The following NEDD9 variants were observed in gnomAD, a reference collection of about 807,000 sequenced individuals.
The protein encoded by NEDD9 is neural precursor cell expressed, developmentally down-regulated 9.
A neutral mutation model predicts 76.6 loss-of-function variants in NEDD9; 26 were observed. That is an observed-to-expected ratio of 0.34 (90% CI 0.25 to 0.47). NEDD9 has a LOEUF of 0.47. Among genes scored for constraint, NEDD9 ranks in the 20% least tolerant of loss-of-function variants. The pLI is 1.00. For synonymous variants in NEDD9, 392 were observed against 414.2 expected (o/e 0.95, Z 0.65); for missense variants, 937 against 1,058.5 (o/e 0.89, Z 1.59).
At chr6:11,347,485 C>CA (rs1401999239) in intron 1 of NEDD9, among the ~76,000 whole-genome samples, 2 of 152,052 alleles carry the variant, frequency 1.3e-5, no homozygotes, top group Admixed American at 1.3e-4. Context: ...CAAAACAAAA[C>CA]AAACAAACAA....
chr6:11,331,942 G>C (rs576330047), intron 2 of NEDD9, among the ~76,000 whole-genome samples: 2 of 152,316 alleles, frequency 1.3e-5, no homozygotes, highest in South Asian at 4.1e-4. Context: ...TGCAGTAATA[G>C]CTGTTTTTAA....
intron 2 of NEDD9, among the ~76,000 whole-genome samples, chr6:11,327,113 G>C (rs974863707): frequency 6.6e-6 from 1 of 152,162 alleles, no homozygotes; most frequent in Non-Finnish European, 1.5e-5. Context: ...GACTGTACTG[G>C]TGTGGCATGG....
chr6:11,336,486 T>C (rs1422533317), intron 1 of NEDD9, among the ~76,000 whole-genome samples: 5 of 152,098 alleles, frequency 3.3e-5, no homozygotes. Context: ...TACCTAAACA[T>C]AGAAAATGTT....
chr6:11,266,969 A>C (rs528891816), intron 3 of NEDD9, among the ~76,000 whole-genome samples: 1 of 152,338 alleles, frequency 6.6e-6, no homozygotes, highest in Admixed American at 6.5e-5. Flanking sequence ...AATCAGGAGC[A>C]AAGTATCAAT....
chr6:11,356,481 C>T (rs1762577473), intron 1 of NEDD9, among the ~76,000 whole-genome samples: 1 of 152,192 alleles, frequency 6.6e-6, no homozygotes, highest in Admixed American at 6.5e-5. Context: ...CAGGACACAT[C>T]ATTGTTTGAG....
At chr6:11,305,860 T>A in intron 3 of NEDD9, 1 of 1,125,828 alleles carries the variant, frequency 8.9e-7, no homozygotes, top group South Asian at 1.3e-5. Context: ...TTAACAGTAT[T>A]TTCCCCAAAT....
chr6:11,352,615 G>C (rs1202014025), intron 1 of NEDD9: 1 of 152,116 alleles, frequency 6.6e-6, no homozygotes, highest in Non-Finnish European at 1.5e-5. Flanking sequence ...TTAAATTTTG[G>C]CTGAATTATG....
chr6:11,331,461 C>T (rs181947322), intron 2 of NEDD9, among the ~76,000 whole-genome samples: 70 of 151,866 alleles, frequency 4.6e-4, no homozygotes, highest in African/African-American at 1.4e-3. Flanking sequence ...AACAGTGTGG[C>T]GGTGGTGGGA....
At chr6:11,379,557 T>G (rs78373026) in intron 1 of NEDD9, among the ~76,000 whole-genome samples, 10,575 of 152,096 alleles carry the variant, frequency 0.07, 401 homozygotes, top group Non-Finnish European at 0.071. Flanking sequence ...CTAGCCTGGG[T>G]GACAGAGTGA....
intron 3 of NEDD9, among the ~76,000 whole-genome samples, chr6:11,285,473 T>G (rs1225549341): frequency 6.6e-6 from 1 of 152,196 alleles, no homozygotes; most frequent in Non-Finnish European, 1.5e-5. Flanking sequence ...GGCTTTTTTT[T>G]GTAGAAATGA....
chr6:11,244,256 T>C (rs1364727110), intron 3 of NEDD9, among the ~76,000 whole-genome samples: 1 of 152,058 alleles, frequency 6.6e-6, no homozygotes, highest in Non-Finnish European at 1.5e-5. Flanking sequence ...ACTCTCTTTC[T>C]CTTTACACAC....
At chr6:11,264,458 C>T (rs745338116) in intron 3 of NEDD9, among the ~76,000 whole-genome samples, 2 of 152,104 alleles carry the variant, frequency 1.3e-5, no homozygotes, top group Non-Finnish European at 2.9e-5. Context: ...CAATCTCTAG[C>T]CCAGTTGTTC....
At chr6:11,286,593 A>G (rs1013662609) in intron 3 of NEDD9, among the ~76,000 whole-genome samples, 6 of 152,224 alleles carry the variant, frequency 3.9e-5, no homozygotes. Context: ...TGAATGGATA[A>G]ACACACTGTG....
chr6:11,226,081 C>A (rs1759300817), intron 1 of NEDD9, among the ~76,000 whole-genome samples: 1 of 152,160 alleles, frequency 6.6e-6, no homozygotes. Context: ...AGGTTACCAA[C>A]AAGGTGACTT....
At position 11,252,106 on chromosome 6, in the gene NEDD9, G is replaced by A. The variant is rs1759925758; in HGVS notation, c.13-38379C>T. On this transcript the variant is annotated intron_variant, in intron 3 of 3. Transcript: ENST00000397378. The surrounding 1 kb of genome is among the most constrained non-coding windows in gnomAD (Gnocchi z 4.3). Reference sequence around the variant, plus strand: ...ATTTTGCTGTCCCATGTGAATCAGAGCTTGTGTTAATATCTTCTAGCTGGG... The same window carrying A: ...ATTTTGCTGTCCCATGTGAATCAGAACTTGTGTTAATATCTTCTAGCTGGG... Among the ~76,000 whole-genome samples the A allele has an allele frequency of 6.6e-6, 1 of 152,190 alleles. No individual in the cohort carries two copies. The highest frequency in any genetic ancestry group is 6.5e-5 in the Admixed American group (1 of 15,276).
intron 1 of NEDD9, among the ~76,000 whole-genome samples, chr6:11,221,223 A>C (rs1183094586): frequency 6.6e-6 from 1 of 152,018 alleles, no homozygotes; most frequent in Non-Finnish European, 1.5e-5. Context: ...TCTCTACTAA[A>C]ATACAAAAAA....
intron 2 of NEDD9, chr6:11,200,995 G>GA (rs758369566): frequency 6.2e-7 from 1 of 1,614,234 alleles, no homozygotes; most frequent in Admixed American, 1.7e-5. Flanking sequence ...AAGCTGGTTT[G>GA]TTTAGAGGCT....
intron 2 of NEDD9, among the ~76,000 whole-genome samples, chr6:11,321,167 A>AGAAGGAAGGAGGGAGGGAC (rs1761790594): frequency 3.4e-5 from 3 of 87,574 alleles, no homozygotes; most frequent in Non-Finnish European, 6.7e-5. Flanking sequence ...GAGGGAGGGA[A>AGAAGGAAGGAGGGAGGGAC]AGAAGGAAGG....
intron 1 of NEDD9, among the ~76,000 whole-genome samples, chr6:11,360,492 G>A (rs1214770171): frequency 1.3e-5 from 2 of 152,164 alleles, no homozygotes; most frequent in Non-Finnish European, 2.9e-5. Context: ...CTGGTGGGAG[G>A]TGATTGTATC....
Sources: gnomAD v4.1 joint callset for allele counts (sites outside exome capture counted in the v4.1 genomes callset) on GRCh38, gnomAD v4.1.1 for gene constraint, Gnocchi (gnomAD v3.1) non-coding constraint, MANE v1.5 for transcripts, NCBI Gene and HGNC (gene_info 2026-07-23, HGNC 2026-07-21) for gene names.